CNTNAP2: variants seen among roughly 807,000 people sequenced by gnomAD.
CNTNAP2 encodes the protein contactin associated protein 2.
CNTNAP2 carries 98 observed loss-of-function variants against 155.2 expected under a neutral mutation model. The ratio of observed to expected loss-of-function variants is 0.63; its 90% CI spans 0.54 to 0.75. The LOEUF is 0.75. Ranked by LOEUF, CNTNAP2 falls within the 30% of genes least tolerant of loss-of-function variation. The probability of loss-of-function intolerance (pLI) is 0.00; values close to 1 mark genes in which losing one functional copy is unlikely to be tolerated. For missense variants in CNTNAP2, 1,727 were observed against 1,688.1 expected (o/e 1.02, Z -0.40); for synonymous variants, 651 against 631.2 (o/e 1.03, Z -0.47).
chr7:148,301,306 A>AAAAAAAAAAAT, intron 21 of CNTNAP2, among the ~76,000 whole-genome samples: 1 of 103,870 alleles, frequency 9.6e-6, no homozygotes, highest in African/African-American at 3.8e-5. Context: ...AAAAAAAAAA[A>AAAAAAAAAAAT]ATATATATAT....
chr7:148,127,116 C>T (rs1804732424), intron 16 of CNTNAP2, among the ~76,000 whole-genome samples: 1 of 152,058 alleles, frequency 6.6e-6, no homozygotes, highest in African/African-American at 2.4e-5. Flanking sequence ...ACCAGCATAG[C>T]CAACATGGCG....
Position 147,801,513 on chromosome 7 carries a change from G to T in CNTNAP2, c.2099-102052G>T, listed in dbSNP as rs548050599. On this transcript the variant is annotated intron_variant, in intron 13 of 23. Transcript: ENST00000361727. Reference sequence around the variant, plus strand: ...GTCCCTGGGTACTTGAGATTAGGGAGTGGTGATGATTCTTAACGAGCATGC... The same window carrying T: ...GTCCCTGGGTACTTGAGATTAGGGATTGGTGATGATTCTTAACGAGCATGC... 3.8e-4 allele frequency among the ~76,000 whole-genome samples: 58 copies of T among 151,756 alleles called. 1 individual carries two copies. The South Asian group carries it at 5.4e-3, about 14-fold the overall frequency.
intron 1 of CNTNAP2, among the ~76,000 whole-genome samples, chr7:146,594,767 T>C (rs1357213008): frequency 6.6e-6 from 1 of 152,112 alleles, no homozygotes. Context: ...AGAGAAGATA[T>C]GTCATGCCTC....
At position 148,229,677 on chromosome 7, in the gene CNTNAP2, C is replaced by G. The variant is rs1229652725; in HGVS notation, c.3279C>G (p.Gly1093=). Residue 1093 remains glycine (G), a synonymous_variant, in exon 20 of 24, where the codon GGC becomes GGG. Transcript: ENST00000361727. ...TACAGATTCGATACAACCTGGGTGG[C>G]ACCCGAGAGCCATACAATATTGACG... ...GSLQIRYNLG[G]TREPYNIDVD... is the part of the protein sequence containing the mutation. 1.2e-6 allele frequency: 2 copies of G among 1,614,136 alleles called. No individual in the cohort carries two copies. The highest frequency in any genetic ancestry group is 2.2e-5 in the South Asian group (2 of 91,084).
intron 4 of CNTNAP2, among the ~76,000 whole-genome samples, chr7:147,046,105 T>G (rs1799351041): frequency 6.6e-6 from 1 of 152,164 alleles, no homozygotes; most frequent in African/African-American, 2.4e-5. Context: ...GCACATAGCC[T>G]GAGTGATAGG....
intron 9 of CNTNAP2, among the ~76,000 whole-genome samples, chr7:147,380,967 A>G (rs1796524953): frequency 6.6e-6 from 1 of 152,102 alleles, no homozygotes; most frequent in Non-Finnish European, 1.5e-5. Context: ...AGACTAAGAA[A>G]TTATTTTCTG....
chr7:148,112,509 C>G (rs1212267844), intron 15 of CNTNAP2, among the ~76,000 whole-genome samples: 1 of 151,956 alleles, frequency 6.6e-6, no homozygotes. Context: ...CAACCTCGAA[C>G]TCCTGAGCAC....
Position 146,607,950 on chromosome 7 carries a change from T to G in CNTNAP2, c.98-166321T>G, listed in dbSNP as rs191052011. ...GTCCCTTTACTTGCTTTAATGGTATTTATTCCTTTCTTCATTTTGTAAAAA... is the reference window on the plus strand; with the variant it reads ...GTCCCTTTACTTGCTTTAATGGTATGTATTCCTTTCTTCATTTTGTAAAAA... On this transcript the variant is annotated intron_variant, in intron 1 of 23. Coordinates refer to ENST00000361727, the MANE Select transcript of CNTNAP2 (RefSeq NM_014141.6). Among the ~76,000 whole-genome samples, 515 of 152,312 alleles carry G rather than the reference T, an allele frequency of 3.4e-3. 2 individuals carry two copies. Among genetic ancestry groups the G allele is most frequent in the Non-Finnish European group, 5.0e-3 (343 of 68,032 alleles).
intron 1 of CNTNAP2, among the ~76,000 whole-genome samples, chr7:146,145,643 C>T (rs1216342407): frequency 4.6e-5 from 7 of 152,200 alleles, no homozygotes; most frequent in African/African-American, 1.7e-4. Flanking sequence ...GTCCAATTGT[C>T]CCCTATTACT....
chr7:148,298,734 C>A (rs1200708055), intron 21 of CNTNAP2, among the ~76,000 whole-genome samples: 1 of 152,120 alleles, frequency 6.6e-6, no homozygotes, highest in African/African-American at 2.4e-5. Flanking sequence ...CTCTGTCACC[C>A]AGGCTGGAGT....
At chr7:148,091,613 G>C (rs1417846180) in intron 15 of CNTNAP2, among the ~76,000 whole-genome samples, 1 of 152,168 alleles carries the variant, frequency 6.6e-6, no homozygotes, top group Non-Finnish European at 1.5e-5. Context: ...AATTATTTAT[G>C]ATACATGAAA....
At chr7:147,716,976 A>G in intron 13 of CNTNAP2, among the ~76,000 whole-genome samples, 1 of 152,150 alleles carries the variant, frequency 6.6e-6, no homozygotes, top group Admixed American at 6.6e-5. Context: ...CTAATAAAGC[A>G]AGTAGATTGG....
intron 1 of CNTNAP2, among the ~76,000 whole-genome samples, chr7:146,273,192 T>G (rs1024544322): frequency 6.6e-6 from 1 of 151,626 alleles, no homozygotes; most frequent in African/African-American, 2.4e-5. Flanking sequence ...AAATGTATTT[T>G]TAGTATTAAA....
intron 8 of CNTNAP2, among the ~76,000 whole-genome samples, chr7:147,279,076 TATG>T (rs1194715751): frequency 6.6e-6 from 1 of 151,622 alleles, no homozygotes; most frequent in South Asian, 2.1e-4. Flanking sequence ...ACCCTATCTT[TATG>T]ATATTATGCC....
chr7:146,931,213 G>C (rs921113611), intron 3 of CNTNAP2, among the ~76,000 whole-genome samples: 7 of 151,974 alleles, frequency 4.6e-5, no homozygotes, highest in South Asian at 2.1e-4. Flanking sequence ...AAATGTAAAA[G>C]AACAGAAATT....
chr7:147,851,614 C>T (rs1194410624), intron 13 of CNTNAP2, among the ~76,000 whole-genome samples: 1 of 151,950 alleles, frequency 6.6e-6, no homozygotes, highest in African/African-American at 2.4e-5. Flanking sequence ...CTTTGCAGGG[C>T]CATGGAGAAG....
intron 1 of CNTNAP2, among the ~76,000 whole-genome samples, chr7:146,373,818 T>C (rs1795270134): frequency 6.6e-6 from 1 of 152,214 alleles, no homozygotes; most frequent in South Asian, 2.1e-4. Context: ...AAAGGTCATA[T>C]ACACGTTATC....
chr7:147,572,786 A>G (rs930617995), intron 12 of CNTNAP2, among the ~76,000 whole-genome samples: 4 of 152,062 alleles, frequency 2.6e-5, no homozygotes, highest in African/African-American at 7.2e-5. Context: ...CAAAAATCAA[A>G]AACCACAGGA....
intron 3 of CNTNAP2, among the ~76,000 whole-genome samples, chr7:146,849,649 T>A (rs1314473743): frequency 6.6e-6 from 1 of 152,214 alleles, no homozygotes; most frequent in African/African-American, 2.4e-5. Context: ...CCTTATGCGA[T>A]TTTTGTGAGA....
Sources: allele counts gnomAD v4.1 joint callset (sites outside exome capture counted in the v4.1 genomes callset), GRCh38; gene constraint gnomAD v4.1.1; transcripts MANE v1.5; gene names NCBI Gene and HGNC (gene_info 2026-07-23, HGNC 2026-07-21).